The following CDC40 variants were observed in gnomAD, a reference collection of about 807,000 sequenced individuals.
CDC40 encodes pre-mRNA-processing factor 17.
A neutral mutation model predicts 80.6 loss-of-function variants in CDC40; 27 were observed. The observed-to-expected ratio is 0.33, with a 90% CI of 0.25 to 0.46. The LOEUF (loss-of-function observed/expected upper bound fraction) is 0.46. CDC40 is among the 20% of genes least tolerant of loss of function. The probability of loss-of-function intolerance (pLI) is 1.00; values close to 1 mark genes in which losing one functional copy is unlikely to be tolerated. For synonymous variants in CDC40, 221 were observed against 232.6 expected, an observed-to-expected ratio of 0.95 and a Z score of 0.45; for missense variants, 486 against 694.1, an observed-to-expected ratio of 0.70 and a Z score of 3.37.
chr6:110,194,612 A>C (rs984307792), intron 2 of CDC40, among the ~76,000 whole-genome samples: 1 of 152,218 alleles, frequency 6.6e-6, no homozygotes, highest in Non-Finnish European at 1.5e-5. Flanking sequence ...TCCTTCTAGC[A>C]TGTCAGACTA....
At chr6:110,208,443 T>C (rs1777591568) in intron 4 of CDC40, among the ~76,000 whole-genome samples, 2 of 152,174 alleles carry the variant, frequency 1.3e-5, no homozygotes, top group Non-Finnish European at 2.9e-5. Flanking sequence ...CTCCTACTAA[T>C]CAAATCAAAA....
intron 1 of CDC40, among the ~76,000 whole-genome samples, chr6:110,186,695 A>G (rs1281482843): frequency 6.6e-6 from 1 of 151,910 alleles, no homozygotes; most frequent in East Asian, 1.9e-4. Context: ...TTCTTTTGAC[A>G]CCTTTTAAGA....
rs1400342546 is a variant in CDC40 at position 110,207,362 on chromosome 6, ATGATTGGTCC to A, written c.407-130_407-121del. On this transcript the variant is annotated intron_variant, in intron 3 of 14. Transcript: ENST00000307731. ...AGGAAGCAATATAGCTCAGGGCAGA[ATGATTGGTCC>A]TGATTGGTCCTGAGTTAGAGATCAT... 23 of 518,354 alleles carry A rather than the reference ATGATTGGTCC, an allele frequency of 4.4e-5. No homozygotes were observed. In the South Asian group the frequency reaches 4.7e-4, roughly 11 times the overall value. The allele number at this position is 518,354 out of a possible 1,614,324, so 32.1% of individuals were successfully genotyped here.
chr6:110,226,293 G>A (rs1368997899), intron 13 of CDC40, 50 bp downstream of exon 13: 3 of 1,172,432 alleles, frequency 2.6e-6, no homozygotes, highest in African/African-American at 1.5e-5. Context: ...AAGATACAGT[G>A]TGATTTCTTT....
chr6:110,220,682 T>C (rs1025845684), intron 12 of CDC40, among the ~76,000 whole-genome samples: 1 of 152,144 alleles, frequency 6.6e-6, no homozygotes, highest in Non-Finnish European at 1.5e-5. Flanking sequence ...CCTGACCTTA[T>C]GATCCGCCCA....
At chr6:110,208,689 C>G (rs1460986846) in intron 4 of CDC40, among the ~76,000 whole-genome samples, 1 of 152,130 alleles carries the variant, frequency 6.6e-6, no homozygotes, top group East Asian at 1.9e-4. Context: ...CCAAATGTCA[C>G]TTTATTATTA....
intron 1 of CDC40, among the ~76,000 whole-genome samples, chr6:110,182,957 A>G (rs530246487): frequency 1.3e-5 from 2 of 152,238 alleles, no homozygotes; most frequent in Non-Finnish European, 2.9e-5. Flanking sequence ...GGTGATTTCT[A>G]AGTTTTTTTG....
intron 7 of CDC40, among the ~76,000 whole-genome samples, chr6:110,212,733 A>G (rs1233109486): frequency 6.6e-6 from 1 of 152,180 alleles, no homozygotes; most frequent in African/African-American, 2.4e-5. Flanking sequence ...AAAAATTTTG[A>G]TGTTGATATT....
In CDC40 at chr6:110,219,845, A is replaced by C; in HGVS notation, c.1316A>C (p.Asp439Ala). The C allele has an allele frequency of 6.2e-7, 1 of 1,613,924 alleles. No homozygotes were observed. The highest frequency in any genetic ancestry group is 8.5e-7 in the Non-Finnish European group (1 of 1,179,912). Residue 439 changes from aspartate to alanine, a missense_variant, in exon 12 of 15, where the codon GAT (aspartate) becomes GCT (alanine). Physicochemically the swap from Asp to Ala is moderately radical, Grantham distance 126 (BLOSUM62 -2). Around this residue, in one of 3 missense-constraint regions of CDC40, gnomAD observed 17 missense variants for 63.3 expected, o/e 0.27. Transcript: ENST00000307731. ...AGGAGATTTGTGAGCACATCTGATG[A>C]TAAAAGCCTAAGAGTTTGGGAATGG... ...ENRRFVSTSDDKSLRVWEWDI... is the reference protein window; with the variant it reads ...ENRRFVSTSDAKSLRVWEWDI...
chr6:110,210,722 T>C lies in CDC40; in HGVS notation c.646T>C (p.Leu216=), dbSNP rs775314336. Reference sequence around the variant, plus strand: ...ATTTTCTTAGGAAGAGCAAAAAGAATTGGATGAAATCACAGCAAAGAGGCA... The same window carrying C: ...ATTTTCTTAGGAAGAGCAAAAAGAACTGGATGAAATCACAGCAAAGAGGCA... ...AKPSEEEQKE[L]DEITAKRQKK... is the part of the protein sequence containing the mutation. The change falls in exon 6 of 15, where the codon TTG becomes CTG. Residue 216 remains leucine (L), a synonymous_variant. Transcript: ENST00000307731. 1.9e-6 allele frequency: 3 copies of C among 1,562,466 alleles called. No homozygotes were observed. The Admixed American group carries it at 5.9e-5, about 31-fold the overall frequency.
rs992321831 is a variant in CDC40 at position 110,207,328 on chromosome 6, A to G, written c.407-178A>G. Among the ~76,000 whole-genome samples, 8 of 151,598 alleles carry G rather than the reference A, an allele frequency of 5.3e-5. 1 individual carries two copies. Among genetic ancestry groups the G allele is most frequent in the African/African-American group, 1.9e-4 (8 of 41,332 alleles). On this transcript the variant is annotated intron_variant, in intron 3 of 14. Transcript: ENST00000307731. Reference sequence around the variant, plus strand: ...AGACCCTATCTCAAAAAAAAAAAAAAAAAAAAAAAGGAAGCAATATAGCTC... The same window carrying G: ...AGACCCTATCTCAAAAAAAAAAAAAGAAAAAAAAAGGAAGCAATATAGCTC...
intron 1 of CDC40, among the ~76,000 whole-genome samples, chr6:110,189,427 T>C (rs1777316867): frequency 6.6e-6 from 1 of 152,214 alleles, no homozygotes; most frequent in South Asian, 2.1e-4. Context: ...TGAATGAATA[T>C]ATGAATCTGG....
intron 1 of CDC40, among the ~76,000 whole-genome samples, chr6:110,185,689 C>G (rs1291684042): frequency 6.6e-6 from 1 of 152,094 alleles, no homozygotes; most frequent in Non-Finnish European, 1.5e-5. Context: ...CCACAGTGCA[C>G]CTAAGCTAGA....
chr6:110,229,065 A>C (rs1777901970), intron 14 of CDC40, 89 bp downstream of exon 14: 5 of 1,031,672 alleles, frequency 4.8e-6, no homozygotes, highest in Non-Finnish European at 4.3e-6. Flanking sequence ...CATCACTCTC[A>C]CATAATATGT....
Position 110,187,786 on chromosome 6 carries a change from A to T in CDC40, c.190-5396A>T, listed in dbSNP as rs1777293830. Among the ~76,000 whole-genome samples, 3 of 152,246 alleles carry T rather than the reference A, an allele frequency of 2.0e-5. 1 individual carries two copies. Among genetic ancestry groups the T allele is most frequent in the Admixed American group, 2.0e-4 (3 of 15,286 alleles). On this transcript the variant is annotated intron_variant, in intron 1 of 14. Coordinates refer to ENST00000307731, the MANE Select transcript of CDC40 (RefSeq NM_015891.3). ...CAAATTACTTTGAATCAACAAAAAG[A>T]TAAACTATTTAAACTTATTTGACCC...
intron 12 of CDC40, among the ~76,000 whole-genome samples, chr6:110,225,758 T>G (rs911311412): frequency 6.6e-6 from 1 of 152,230 alleles, no homozygotes; most frequent in African/African-American, 2.4e-5. Flanking sequence ...ATTTTTGGTT[T>G]TATTTCAACA....
chr6:110,210,622 G>T, intron 5 of CDC40, 85 bp from the exon 6 acceptor site: 2 of 459,580 alleles, frequency 4.4e-6, no homozygotes, highest in Non-Finnish European at 3.7e-6. Flanking sequence ...ATATGTAGAA[G>T]TCATTATAAA....
At chr6:110,214,958 G>A (rs1006328081) in intron 8 of CDC40, among the ~76,000 whole-genome samples, 2 of 152,142 alleles carry the variant, frequency 1.3e-5, no homozygotes, top group Non-Finnish European at 1.5e-5. Flanking sequence ...CCTAGAAAAT[G>A]TATGAAATAG....
chr6:110,220,481 G>C (rs1467195936), intron 12 of CDC40, among the ~76,000 whole-genome samples: 2 of 105,184 alleles, frequency 1.9e-5, no homozygotes, highest in South Asian at 2.9e-4. Flanking sequence ...ACGGATTCTT[G>C]CTGTGCCACC....
Sources: allele counts gnomAD v4.1 joint callset (sites outside exome capture counted in the v4.1 genomes callset), GRCh38; gene constraint gnomAD v4.1.1; regional missense constraint gnomAD v4.1.1; transcripts MANE v1.5; gene names NCBI Gene and HGNC (gene_info 2026-07-23, HGNC 2026-07-21).